NEMP1: variants seen among roughly 807,000 people sequenced by gnomAD.
NEMP1 encodes the protein nuclear envelope integral membrane protein 1, also known as transmembrane protein 194.
In NEMP1, 29 loss-of-function variants were observed where a neutral mutation model predicts 53.7. That is an observed-to-expected ratio of 0.54 (90% CI 0.40 to 0.74). The LOEUF (loss-of-function observed/expected upper bound fraction) is 0.74, where lower values mean the gene tolerates loss of function less well. Among genes scored for constraint, NEMP1 ranks in the 30% least tolerant of loss-of-function variants. The probability of loss-of-function intolerance (pLI) is 0.00; values close to 1 mark genes in which losing one functional copy is unlikely to be tolerated. For synonymous variants in NEMP1, 193 were observed against 192.9 expected (o/e 1.00, Z 0.00); for missense variants, 477 against 528.6 (o/e 0.90, Z 0.96).
intron 3 of NEMP1, 74 bp downstream of exon 3, chr12:57,070,600 C>A: frequency 7.7e-7 from 1 of 1,300,018 alleles, no homozygotes; most frequent in South Asian, 1.4e-5. Context: ...ACTTCTCAGT[C>A]TCACTAATTA....
upstream of NEMP1, among the ~76,000 whole-genome samples, chr12:57,083,075 A>AT (rs567719964): frequency 6.6e-6 from 1 of 152,062 alleles, no homozygotes; most frequent in Non-Finnish European, 1.5e-5. Context: ...ATGTATATGT[A>AT]TTTTTTTATG....
chr12:57,086,535 C>G (rs796382409), intron 1 of NEMP1, among the ~76,000 whole-genome samples: 1 of 151,788 alleles, frequency 6.6e-6, no homozygotes, highest in African/African-American at 2.4e-5. Context: ...ACTCCCCCCC[C>G]CCCACACACA....
chr12:57,068,808 C>T (rs949271742), intron 4 of NEMP1, among the ~76,000 whole-genome samples: 3 of 152,116 alleles, frequency 2.0e-5, no homozygotes, highest in Admixed American at 6.6e-5. Flanking sequence ...CCTCATGATC[C>T]GCCAGCCTTG....
At chr12:57,064,599 A>G in intron 5 of NEMP1, 47 bp downstream of exon 5, 1 of 1,438,756 alleles carries the variant, frequency 7.0e-7, no homozygotes, top group Non-Finnish European at 9.7e-7. Context: ...ACAGTCCTTC[A>G]GCTATCCAAA....
At chr12:57,062,604 C>T (rs765013233) in intron 7 of NEMP1, among the ~76,000 whole-genome samples, 2 of 152,044 alleles carry the variant, frequency 1.3e-5, no homozygotes, top group African/African-American at 2.4e-5. Flanking sequence ...ACTTTGGGAG[C>T]TCCTCAGCAC....
At position 57,059,593 on chromosome 12, in the gene NEMP1, C is replaced by T. The variant is rs114097075; in HGVS notation, c.*286G>A. 3,284 of 278,156 alleles carry T rather than the reference C, an allele frequency of 0.012. 111 individuals are homozygous for T. The highest frequency in any genetic ancestry group is 0.065 in the African/African-American group (2,995 of 46,384). The allele number at this position is 278,156 out of a possible 1,614,324, so 17.2% of individuals were successfully genotyped here. On this transcript the variant is annotated 3_prime_UTR_variant, in exon 9 of 9. Coordinates refer to ENST00000300128, the MANE Select transcript of NEMP1 (RefSeq NM_001130963.2). ...TTCAAGAAGGAGCTAGAATGCCATG[C>T]TAGCTGTGGCCATCCAATTTCTCTG...
At chr12:57,066,853 A>ATT (rs2032103519) in intron 4 of NEMP1, among the ~76,000 whole-genome samples, 1 of 152,100 alleles carries the variant, frequency 6.6e-6, no homozygotes, top group Non-Finnish European at 1.5e-5. Context: ...TGATGGTTTT[A>ATT]TAAGGGGTTT....
At chr12:57,085,549 T>G (rs2032967138) in intron 1 of NEMP1, among the ~76,000 whole-genome samples, 1 of 152,282 alleles carries the variant, frequency 6.6e-6, no homozygotes, top group African/African-American at 2.4e-5. Flanking sequence ...AGGCAGTGGT[T>G]AGGATTATCT....
intron 1 of NEMP1, among the ~76,000 whole-genome samples, chr12:57,086,784 CAT>C (rs958901521): frequency 7.9e-5 from 12 of 152,114 alleles, no homozygotes; most frequent in Non-Finnish European, 1.5e-4. Context: ...AATAGGGGCT[CAT>C]ACACAAACCT....
intron 6 of NEMP1, 59 bp downstream of exon 6, chr12:57,064,012 C>T: frequency 9.8e-7 from 1 of 1,021,840 alleles, no homozygotes; most frequent in East Asian, 2.8e-5. Context: ...TTTTCATGAT[C>T]AAATTAACTG....
intron 7 of NEMP1, among the ~76,000 whole-genome samples, chr12:57,062,112 T>C (rs780741334): frequency 7.2e-5 from 11 of 152,248 alleles, no homozygotes; most frequent in Non-Finnish European, 1.3e-4. Context: ...TTATGCAAGG[T>C]GACAAAACAT....
At chr12:57,061,478 G>C (rs560762210) in intron 7 of NEMP1, among the ~76,000 whole-genome samples, 1 of 152,024 alleles carries the variant, frequency 6.6e-6, no homozygotes, top group African/African-American at 2.4e-5. Context: ...CAGATCACCT[G>C]AGGTCAGGAG....
intron 2 of NEMP1, among the ~76,000 whole-genome samples, chr12:57,072,251 A>C (rs1161496018): frequency 6.6e-6 from 1 of 152,168 alleles, no homozygotes; most frequent in East Asian, 1.9e-4. Context: ...CAGCCTGGCC[A>C]ACATGATGAA....
chr12:57,055,739 G>T lies in NEMP1; in HGVS notation c.*4140C>A, dbSNP rs552189698. 4.5e-4 allele frequency: 69 copies of T among 152,240 alleles called. No individual in the cohort carries two copies. Among genetic ancestry groups the T allele is most frequent in the African/African-American group, 1.6e-3 (66 of 41,532 alleles). 9.4% of individuals were successfully genotyped at this position (152,240 alleles called of 1,614,324 possible). ...GTTCTTTTTTCTTACAGAAAAGAGGGTGAAAATAAGACCCATGGCAAAGAG... is the reference window on the plus strand; with the variant it reads ...GTTCTTTTTTCTTACAGAAAAGAGGTTGAAAATAAGACCCATGGCAAAGAG... On this transcript the variant is annotated 3_prime_UTR_variant, in exon 9 of 9. Transcript: ENST00000300128.
At chr12:57,079,765 G>T (rs1187054177), upstream of NEMP1, among the ~76,000 whole-genome samples, 1 of 150,144 alleles carries the variant, frequency 6.7e-6, no homozygotes, top group East Asian at 2.0e-4. Context: ...TTCAAAACAA[G>T]AATTTTTTTT....
Position 57,056,068 on chromosome 12 carries a change from A to C in NEMP1, c.*3811T>G, listed in dbSNP as rs2136471238. The stretch of plus-strand genomic sequence containing the variant: ...ATCAAGAGTGTGAAAGAGGAAGATG[A>C]CACACACGTGGGATGGTGTGGAAAT... On this transcript the variant is annotated 3_prime_UTR_variant, in exon 9 of 9. Transcript: ENST00000300128. The C allele has an allele frequency of 6.6e-6, 1 of 152,332 alleles. No individual in the cohort carries two copies. Among genetic ancestry groups the C allele is most frequent in the East Asian group, 1.9e-4 (1 of 5,190 alleles). The allele number at this position is 152,332 out of a possible 1,614,324, so 9.4% of individuals were successfully genotyped here. A position where few individuals can be genotyped will look rare whatever the true frequency, so the allele number is the denominator to read the frequency against.
At chr12:57,071,329 G>A (rs952010724) in intron 2 of NEMP1, among the ~76,000 whole-genome samples, 1 of 152,130 alleles carries the variant, frequency 6.6e-6, no homozygotes, top group African/African-American at 2.4e-5. Flanking sequence ...CACTGATTAT[G>A]AGTAAATGTT....
chr12:57,069,880 G>A (rs911741847), intron 3 of NEMP1, among the ~76,000 whole-genome samples: 1 of 149,670 alleles, frequency 6.7e-6, no homozygotes, highest in Non-Finnish European at 1.5e-5. Flanking sequence ...TCACATTCAA[G>A]AGTTCTACGG....
In NEMP1 at chr12:57,055,826, T is replaced by C. The variant is rs534801145; in HGVS notation, c.*4053A>G. The C allele has an allele frequency of 3.9e-5, 6 of 152,328 alleles. No individual in the cohort carries two copies. Among genetic ancestry groups the C allele is most frequent in the East Asian group, 1.9e-4 (1 of 5,192 alleles). 9.4% of individuals were successfully genotyped at this position (152,328 alleles called of 1,614,324 possible). ...GAACATTTAAATAAAATTACAAATATTTAAATAACCCTAAGGTATTACCCA... is the reference window on the plus strand; with the variant it reads ...GAACATTTAAATAAAATTACAAATACTTAAATAACCCTAAGGTATTACCCA... On this transcript the variant is annotated 3_prime_UTR_variant, in exon 9 of 9. Transcript: ENST00000300128.
Sources: gnomAD v4.1 joint callset for allele counts (sites outside exome capture counted in the v4.1 genomes callset) on GRCh38, gnomAD v4.1.1 for gene constraint, MANE v1.5 for transcripts, NCBI Gene and HGNC (gene_info 2026-07-23, HGNC 2026-07-21) for gene names.